TACR1: variants seen among roughly 807,000 people sequenced by gnomAD.
TACR1 encodes the protein substance-P receptor.
A neutral mutation model predicts 35.8 loss-of-function variants in TACR1; 25 were observed. The observed-to-expected ratio is 0.70, with a 90% CI of 0.51 to 0.98. TACR1 has a LOEUF of 0.98. Among genes scored for constraint, TACR1 ranks in the 50% least tolerant of loss-of-function variants. The pLI, the probability that TACR1 is intolerant of heterozygous loss-of-function variation, is 0.00. For synonymous variants in TACR1, 195 were observed against 206.7 expected (o/e 0.94, Z 0.48); for missense variants, 478 against 522.9 (o/e 0.91, Z 0.84).
At chr2:75,194,595 T>C (rs948483051) in intron 1 of TACR1, among the ~76,000 whole-genome samples, 4 of 152,066 alleles carry the variant, frequency 2.6e-5, no homozygotes, top group Admixed American at 6.5e-5. Context: ...AGACACGAGT[T>C]CAGTGGACAA....
At chr2:75,112,254 G>A (rs17010747) in intron 2 of TACR1, among the ~76,000 whole-genome samples, 6,847 of 151,816 alleles carry the variant, frequency 0.045, 512 homozygotes, top group African/African-American at 0.16. Context: ...TTGATATCTC[G>A]AATGGCAAGT....
intron 2 of TACR1, among the ~76,000 whole-genome samples, chr2:75,115,730 C>A (rs1339149636): frequency 6.6e-6 from 1 of 151,830 alleles, no homozygotes; most frequent in African/African-American, 2.4e-5. Context: ...CACCGTGAAA[C>A]CCCGTCTCTG....
chr2:75,160,641 T>A (rs914278573), intron 1 of TACR1, among the ~76,000 whole-genome samples: 6 of 150,454 alleles, frequency 4.0e-5, no homozygotes, highest in African/African-American at 1.5e-4. Flanking sequence ...AAATTAGAAA[T>A]GAAAGAACCA....
chr2:75,142,357 C>G (rs1674424956), intron 1 of TACR1, among the ~76,000 whole-genome samples: 2 of 152,186 alleles, frequency 1.3e-5, no homozygotes, highest in African/African-American at 4.8e-5. Flanking sequence ...CCTCCTTTCT[C>G]AAGAAGGCAG....
intron 2 of TACR1, among the ~76,000 whole-genome samples, chr2:75,105,345 ACAG>A (rs149352872): frequency 0.018 from 2,694 of 152,154 alleles, 67 homozygotes; most frequent in African/African-American, 0.06. Context: ...ACTCATAAAA[ACAG>A]GGAGTAGAAT....
chr2:75,168,857 C>T (rs932368714), intron 1 of TACR1, among the ~76,000 whole-genome samples: 1 of 152,202 alleles, frequency 6.6e-6, no homozygotes, highest in South Asian at 2.1e-4. Flanking sequence ...AATATAGTAG[C>T]AATGATTATT....
chr2:75,192,264 G>C (rs1054493019), intron 1 of TACR1, among the ~76,000 whole-genome samples: 1 of 152,134 alleles, frequency 6.6e-6, no homozygotes, highest in African/African-American at 2.4e-5. Context: ...CAGTTAACCA[G>C]AGCTGGGGAT....
intron 1 of TACR1, among the ~76,000 whole-genome samples, chr2:75,127,720 G>C (rs1174304434): frequency 6.6e-6 from 1 of 152,206 alleles, no homozygotes; most frequent in African/African-American, 2.4e-5. Context: ...GGGCTATTAG[G>C]AAACAAAGTA....
At chr2:75,189,479 T>G (rs1331595688) in intron 1 of TACR1, 1 of 152,228 alleles carries the variant, frequency 6.6e-6, no homozygotes, top group Non-Finnish European at 1.5e-5. Flanking sequence ...CAATATACAT[T>G]GCTTTGTATG....
chr2:75,141,425 C>T (rs1346005109), intron 1 of TACR1, among the ~76,000 whole-genome samples: 2 of 152,022 alleles, frequency 1.3e-5, no homozygotes, highest in Non-Finnish European at 1.5e-5. Flanking sequence ...TCAAAGCTGC[C>T]ATGCAGAGGG....
In TACR1 at chr2:75,199,329, A is replaced by G. The variant is rs976709070; in HGVS notation, c.-395T>C. 6 of 213,964 alleles carry G rather than the reference A, an allele frequency of 2.8e-5. No homozygotes were observed. The highest frequency in any genetic ancestry group is 4.8e-5 in the Non-Finnish European group (5 of 104,604). 13.3% of individuals were successfully genotyped at this position (213,964 alleles called of 1,614,324 possible). A position where few individuals can be genotyped will look rare whatever the true frequency, so the allele number is the denominator to read the frequency against. ...CTATTTCTCCTTCCTCCGCAGGGAA[A>G]GGCAAAGCCCTGTGCTGCGTGAGGA... On this transcript the variant is annotated 5_prime_UTR_variant, in exon 1 of 5. Coordinates refer to ENST00000305249, the MANE Select transcript of TACR1 (RefSeq NM_001058.4).
At chr2:75,175,410 A>G (rs1276116671) in intron 1 of TACR1, among the ~76,000 whole-genome samples, 2 of 152,220 alleles carry the variant, frequency 1.3e-5, no homozygotes, top group African/African-American at 4.8e-5. Context: ...TTGCTGCTCA[A>G]AACGACACAA....
chr2:75,076,832 C>T (rs767866261), intron 2 of TACR1, among the ~76,000 whole-genome samples: 13 of 152,098 alleles, frequency 8.5e-5, no homozygotes, highest in South Asian at 2.1e-4. Context: ...CCTGAGAACT[C>T]TAAGTTTTGG....
chr2:75,112,623 T>A (rs887931486), intron 2 of TACR1, among the ~76,000 whole-genome samples: 1 of 152,152 alleles, frequency 6.6e-6, no homozygotes, highest in Non-Finnish European at 1.5e-5. Context: ...GTTTTCACTT[T>A]TTTTTTGAAA....
At chr2:75,052,588 A>G (rs1228209793) in intron 3 of TACR1, among the ~76,000 whole-genome samples, 1 of 152,236 alleles carries the variant, frequency 6.6e-6, no homozygotes, top group Non-Finnish European at 1.5e-5. Flanking sequence ...AGCTCTTTAT[A>G]TACTGATTTT....
intron 2 of TACR1, among the ~76,000 whole-genome samples, chr2:75,117,098 G>A (rs887100881): frequency 6.6e-6 from 1 of 151,338 alleles, no homozygotes; most frequent in Non-Finnish European, 1.5e-5. Context: ...AAATGAAGTT[G>A]TGTGCCTCCT....
chr2:75,094,190 C>T (rs1300626883), intron 2 of TACR1, among the ~76,000 whole-genome samples: 1 of 152,110 alleles, frequency 6.6e-6, no homozygotes, highest in African/African-American at 2.4e-5. Context: ...GAAAAAAGCT[C>T]TACAGTTTTC....
At chr2:75,183,769 C>A (rs1485873480) in intron 1 of TACR1, among the ~76,000 whole-genome samples, 2 of 152,194 alleles carry the variant, frequency 1.3e-5, no homozygotes, top group Admixed American at 6.5e-5. Flanking sequence ...GTAAAATCCT[C>A]AAACTACTGT....
At chr2:75,136,328 A>G (rs552319932) in intron 1 of TACR1, among the ~76,000 whole-genome samples, 6 of 152,344 alleles carry the variant, frequency 3.9e-5, no homozygotes, top group South Asian at 2.1e-4. Flanking sequence ...AGGACGTGCT[A>G]AAGACGTGCT....
Sources: gnomAD v4.1 joint callset for allele counts (sites outside exome capture counted in the v4.1 genomes callset) on GRCh38, gnomAD v4.1.1 for gene constraint, MANE v1.5 for transcripts, NCBI Gene and HGNC (gene_info 2026-07-23, HGNC 2026-07-21) for gene names.